Variants in MYO3B observed in about 807,000 individuals in gnomAD.
The protein encoded by MYO3B is myosin-IIIb.
Under a neutral mutation model 174.6 loss-of-function variants are expected in MYO3B, and 156 were observed. That is an observed-to-expected ratio of 0.89 (90% confidence interval 0.78 to 1.02). The LOEUF is 1.02. Ranked by LOEUF, MYO3B falls within the 50% of genes least tolerant of loss-of-function variation. The pLI is 0.00. For synonymous variants in MYO3B, 563 were observed against 569.1 expected, an observed-to-expected ratio of 0.99 and a Z score of 0.15; for missense variants, 1,632 against 1,639.4, an observed-to-expected ratio of 1.00 and a Z score of 0.08.
At chr2:170,318,132 A>G (rs1243212438) in intron 7 of MYO3B, among the ~76,000 whole-genome samples, 1 of 152,228 alleles carries the variant, frequency 6.6e-6, no homozygotes, top group Non-Finnish European at 1.5e-5. Flanking sequence ...CATTTGTGAC[A>G]GTGCTTTGTA....
intron 7 of MYO3B, among the ~76,000 whole-genome samples, chr2:170,296,060 G>A (rs2093626877): frequency 6.6e-6 from 1 of 152,114 alleles, no homozygotes; most frequent in Non-Finnish European, 1.5e-5. Flanking sequence ...GAGAGTTACA[G>A]ATGCTCTTAC....
chr2:170,613,210 A>G (rs1695227927), intron 32 of MYO3B, among the ~76,000 whole-genome samples: 1 of 152,156 alleles, frequency 6.6e-6, no homozygotes, highest in South Asian at 2.1e-4. Flanking sequence ...CAGAAGCATG[A>G]AAACAACCTC....
At chr2:170,519,691 GC>G in intron 30 of MYO3B, 151 bp downstream of exon 30, 2 of 657,188 alleles carry the variant, frequency 3.0e-6, no homozygotes, top group East Asian at 6.2e-5. Flanking sequence ...CGTTTCCAGG[GC>G]TGGGCGTGGT....
At chr2:170,387,973 C>A (rs1308212226) in intron 14 of MYO3B, among the ~76,000 whole-genome samples, 1 of 152,012 alleles carries the variant, frequency 6.6e-6, no homozygotes, top group Non-Finnish European at 1.5e-5. Flanking sequence ...AATAATATAA[C>A]CACTGGTGTG....
chr2:170,540,665 C>CA (rs916508856), intron 30 of MYO3B, among the ~76,000 whole-genome samples: 79 of 148,680 alleles, frequency 5.3e-4, no homozygotes, highest in Middle Eastern at 3.4e-3. Context: ...CAAAAAACAA[C>CA]AAAAAAAACA....
chr2:170,357,125 A>G (rs2105627017), intron 8 of MYO3B, among the ~76,000 whole-genome samples: 1 of 151,798 alleles, frequency 6.6e-6, no homozygotes, highest in East Asian at 1.9e-4. Context: ...GAAATATAGA[A>G]CAGAATTCCT....
intron 32 of MYO3B, among the ~76,000 whole-genome samples, chr2:170,555,496 G>C (rs1417310267): frequency 6.6e-6 from 1 of 152,030 alleles, no homozygotes; most frequent in East Asian, 1.9e-4. Context: ...TGCCTCCATA[G>C]CTTTGCCTTT....
At chr2:170,573,809 C>T (rs1692613767) in intron 32 of MYO3B, among the ~76,000 whole-genome samples, 2 of 152,034 alleles carry the variant, frequency 1.3e-5, no homozygotes, top group East Asian at 1.9e-4. Context: ...CTGCTTAAGA[C>T]GAATTTCTAT....
chr2:170,250,674 A>T (rs2093242103), intron 7 of MYO3B, among the ~76,000 whole-genome samples: 2 of 152,170 alleles, frequency 1.3e-5, no homozygotes, highest in Non-Finnish European at 2.9e-5. Context: ...CTGTATCCAG[A>T]GTTCTTGTCC....
intron 8 of MYO3B, among the ~76,000 whole-genome samples, chr2:170,339,821 T>A (rs6716429): frequency 6.6e-6 from 1 of 151,986 alleles, no homozygotes; most frequent in South Asian, 2.1e-4. Flanking sequence ...AGCTTAGTTA[T>A]GATAAATTAA....
intron 32 of MYO3B, among the ~76,000 whole-genome samples, chr2:170,571,587 T>C (rs1692443339): frequency 6.6e-6 from 1 of 152,172 alleles, no homozygotes; most frequent in Admixed American, 6.5e-5. Flanking sequence ...GATTATACTG[T>C]CTACCATGTA....
intron 3 of MYO3B, among the ~76,000 whole-genome samples, chr2:170,212,900 A>G (rs1325532827): frequency 6.6e-6 from 1 of 152,240 alleles, no homozygotes; most frequent in Non-Finnish European, 1.5e-5. Context: ...GGGGCAGGTC[A>G]GAGATTCTCT....
chr2:170,483,714 G>T (rs1685850813), intron 25 of MYO3B, among the ~76,000 whole-genome samples: 1 of 152,064 alleles, frequency 6.6e-6, no homozygotes, highest in Non-Finnish European at 1.5e-5. Flanking sequence ...GCAGCAAAAA[G>T]AAAAAGCAAT....
At chr2:170,601,559 A>G (rs1694509772) in intron 32 of MYO3B, 17 of 973,672 alleles carry the variant, frequency 1.7e-5, no homozygotes, top group Non-Finnish European at 2.7e-5. Flanking sequence ...AGTTGTGTAC[A>G]GGGGGGTTAA....
chr2:170,349,740 G>T (rs1300284093), intron 8 of MYO3B: 1 of 144,184 alleles, frequency 6.9e-6, no homozygotes, highest in Non-Finnish European at 1.5e-5. Context: ...GGATGTTGCA[G>T]TGAGCTGAGA....
chr2:170,260,396 C>A (rs939143449), intron 7 of MYO3B, among the ~76,000 whole-genome samples: 1 of 152,202 alleles, frequency 6.6e-6, no homozygotes, highest in African/African-American at 2.4e-5. Context: ...AAATCATGTT[C>A]TTTGCAGCAG....
intron 32 of MYO3B, among the ~76,000 whole-genome samples, chr2:170,639,933 T>C (rs1023040001): frequency 6.6e-6 from 1 of 152,196 alleles, no homozygotes; most frequent in Admixed American, 6.5e-5. Flanking sequence ...AGCCATTTGA[T>C]GCAGCTTCCA....
chr2:170,189,564 T>G (rs1407333667), intron 1 of MYO3B, among the ~76,000 whole-genome samples: 1 of 152,082 alleles, frequency 6.6e-6, no homozygotes, highest in Non-Finnish European at 1.5e-5. Context: ...TCAAATAGCC[T>G]GTCTTCAAGC....
intron 32 of MYO3B, among the ~76,000 whole-genome samples, chr2:170,645,448 GA>G (rs1246818655): frequency 7.6e-6 from 1 of 131,640 alleles, no homozygotes; most frequent in Non-Finnish European, 1.5e-5. Context: ...CAGCCTGGGT[GA>G]CAGAGCAAGG....
Sources: gnomAD v4.1 joint callset for allele counts (sites outside exome capture counted in the v4.1 genomes callset) on GRCh38, gnomAD v4.1.1 for gene constraint, MANE v1.5 for transcripts, NCBI Gene and HGNC (gene_info 2026-07-23, HGNC 2026-07-21) for gene names.